The following ARMCX4 variants were observed in gnomAD, a reference collection of about 807,000 sequenced individuals.
The protein encoded by ARMCX4 is armadillo repeat containing X-linked 4.
Under a neutral mutation model 34.7 loss-of-function variants are expected in ARMCX4, and 3 were observed. The ratio of observed to expected loss-of-function variants is 0.09; its 90% CI spans 0.04 to 0.22. The LOEUF is 0.22. Among genes scored for constraint, ARMCX4 ranks in the 10% least tolerant of loss-of-function variants. The pLI, the probability that ARMCX4 is intolerant of heterozygous loss-of-function variation, is 1.00. For synonymous variants in ARMCX4, 513 were observed against 632.8 expected (o/e 0.81, Z 2.84); for missense variants, 1,448 against 1,720.8 (o/e 0.84, Z 2.81).
intron 4 of ARMCX4, among the ~76,000 whole-genome samples, chrX:101,469,336 C>T (rs1474818349): frequency 1.8e-5 from 2 of 112,017 alleles, no homozygotes; most frequent in Non-Finnish European, 3.8e-5. Flanking sequence ...ACTATAGCCA[C>T]ACTATGGAAT....
intron 8 of ARMCX4, among the ~76,000 whole-genome samples, chrX:101,506,760 A>G (rs1241871506): frequency 1.8e-5 from 2 of 110,736 alleles, no homozygotes; most frequent in Non-Finnish European, 3.8e-5. Flanking sequence ...GAATTGGAGT[A>G]CTCTATGTTC....
chrX:101,423,194 G>A (rs1929386601), intron 2 of ARMCX4, among the ~76,000 whole-genome samples: 1 of 110,581 alleles, frequency 9.0e-6, no homozygotes, highest in Non-Finnish European at 1.9e-5. Flanking sequence ...ACAGGCGTGA[G>A]CCACCATGCC....
intron 10 of ARMCX4, among the ~76,000 whole-genome samples, chrX:101,510,345 T>C (rs2071798856): frequency 8.9e-6 from 1 of 111,924 alleles, no homozygotes; most frequent in Non-Finnish European, 1.9e-5. Context: ...TGTGTGAATG[T>C]ACCAATTTTA....
Position 101,492,368 on chromosome X carries a change from A to G in ARMCX4, c.3779A>G (p.Glu1260Gly). 1 of 1,152,487 alleles carries G rather than the reference A, an allele frequency of 8.7e-7. No homozygotes were observed. Among genetic ancestry groups the G allele is most frequent in the Non-Finnish European group, 1.1e-6 (1 of 871,584 alleles). 95.0% of individuals were successfully genotyped at this position (1,152,487 alleles called of 1,213,427 possible). ...QASGVSWVGE[E>G]AIGGSWTGAE... ...AGTGGGGTGTCCTGGGTTGGGGAAG[A>G]GGCCATTGGAGGGTCCTGGACTGGG... Residue 1260 changes from glutamate to glycine, a missense_variant, in exon 6 of 6, where the codon GAG (glutamate) becomes GGG (glycine). By Grantham distance (98) the Glu-to-Gly change is moderately conservative. This residue lies in a region of ARMCX4 where 1,343 missense variants were observed against 1,540.7 expected (regional missense o/e 0.87). Coordinates refer to ENST00000423738, the MANE Select transcript of ARMCX4 (RefSeq NM_001256155.3).
At position 101,495,270 on chromosome X, in the gene ARMCX4, A is replaced by T; in HGVS notation, c.6681A>T (p.Ser2227=). The change falls in exon 6 of 6, where the codon TCA becomes TCT. Residue 2227 remains serine, a synonymous_variant. Coordinates refer to ENST00000423738, the MANE Select transcript of ARMCX4 (RefSeq NM_001256155.3). The part of the protein sequence containing the change: ...ETKENILNAL[S]LFENINYHFK... ...AGGAGAATATTCTTAATGCTCTTTC[A>T]CTATTTGAAAATATAAATTACCATT... 8.8e-7 allele frequency: 1 copy of T among 1,141,747 alleles called. No homozygotes were observed. The highest frequency in any genetic ancestry group is 1.2e-6 in the Non-Finnish European group (1 of 861,596). 94.1% of individuals were successfully genotyped at this position (1,141,747 alleles called of 1,213,427 possible).
At chrX:101,480,123 GACACACAC>G (rs57237822) in intron 4 of ARMCX4, among the ~76,000 whole-genome samples, 1,326 of 76,661 alleles carry the variant, frequency 0.017, 19 homozygotes, top group East Asian at 0.056. Flanking sequence ...AGGATTTGGA[GACACACAC>G]ACACACACAC....
At chrX:101,481,009 G>A (rs1341402918), upstream of ARMCX4, among the ~76,000 whole-genome samples, 1 of 111,460 alleles carries the variant, frequency 9.0e-6, no homozygotes, top group Non-Finnish European at 1.9e-5. Flanking sequence ...TGTAGTCCCA[G>A]CTACTGGGGA....
At chrX:101,451,088 G>A (rs1280292234), downstream of ARMCX4, among the ~76,000 whole-genome samples, 2 of 111,670 alleles carry the variant, frequency 1.8e-5, no homozygotes, top group African/African-American at 6.5e-5. Context: ...AATAGGTCAT[G>A]TGACCCTCAG....
At chrX:101,507,825 A>G (rs1009719647) in intron 8 of ARMCX4, among the ~76,000 whole-genome samples, 7 of 112,092 alleles carry the variant, frequency 6.2e-5, no homozygotes, top group Non-Finnish European at 1.3e-4. Flanking sequence ...TCAAAGCTGT[A>G]TATGCATATA....
At chrX:101,435,675 T>C (rs1314353863) in intron 2 of ARMCX4, among the ~76,000 whole-genome samples, 1 of 109,616 alleles carries the variant, frequency 9.1e-6, no homozygotes, top group African/African-American at 3.3e-5. Flanking sequence ...ATTTTGGCTT[T>C]TGTTGCCATT....
At chrX:101,462,440 G>A (rs781853352) in intron 4 of ARMCX4, among the ~76,000 whole-genome samples, 334 of 110,273 alleles carry the variant, frequency 3.0e-3, no homozygotes, top group African/African-American at 9.4e-3. Flanking sequence ...AGGAGATCGA[G>A]ACCATCCTGG....
At chrX:101,452,421 T>G (rs1932036912), downstream of ARMCX4, among the ~76,000 whole-genome samples, 1 of 112,789 alleles carries the variant, frequency 8.9e-6, no homozygotes, top group Non-Finnish European at 1.9e-5. Flanking sequence ...CAACTCATTA[T>G]ATCATGCAGA....
intron 2 of ARMCX4, among the ~76,000 whole-genome samples, chrX:101,431,152 T>C (rs957839437): frequency 3.0e-4 from 33 of 111,560 alleles, no homozygotes; most frequent in African/African-American, 1.1e-3. Flanking sequence ...ATCCAAAACC[T>C]ACTTTTGGCA....
rs782302128 is a variant in ARMCX4 at position 101,492,441 on chromosome X, G to A, written c.3852G>A (p.Gly1284=). 17 of 1,151,792 alleles carry A rather than the reference G, an allele frequency of 1.5e-5. No homozygotes were observed. The African/African-American group carries it at 2.4e-4, about 16-fold the overall frequency. 94.9% of individuals were successfully genotyped at this position (1,151,792 alleles called of 1,213,427 possible). ...GGTCTTGGGCTGGAGCTGGGGCTGG[G>A]AATATGAGTAGTGTTTCATACTGGG... ...SEGSWAGAGA[G]NMSSVSYWAG... The change falls in exon 6 of 6, where the codon GGG becomes GGA. Residue 1284 remains glycine, a synonymous_variant. Transcript: ENST00000423738.
chrX:101,525,930 T>C (rs945993405), intron 11 of ARMCX4, among the ~76,000 whole-genome samples: 1 of 111,846 alleles, frequency 8.9e-6, no homozygotes, highest in East Asian at 2.8e-4. Context: ...TCCAGGAGAA[T>C]TTCCCCAACC....
At chrX:101,421,121 T>TGAACCC (rs2147504324) in intron 2 of ARMCX4, among the ~76,000 whole-genome samples, 1 of 103,888 alleles carries the variant, frequency 9.6e-6, no homozygotes, top group South Asian at 4.3e-4. Context: ...GAGAATCGCT[T>TGAACCC]GAACCCGGGA....
downstream of ARMCX4, among the ~76,000 whole-genome samples, chrX:101,448,849 C>T (rs1289854456): frequency 5.5e-5 from 6 of 109,638 alleles, no homozygotes; most frequent in Non-Finnish European, 1.1e-4. Flanking sequence ...CCTTGGCCTC[C>T]CACCAAAGTG....
intron 4 of ARMCX4, among the ~76,000 whole-genome samples, chrX:101,474,941 T>C (rs187820424): frequency 2.9e-3 from 281 of 96,422 alleles, no homozygotes; most frequent in African/African-American, 9.5e-3. Context: ...TTCAACATAG[T>C]GTTGGAAGTT....
chrX:101,432,997 T>TACACGTGTATATACACAC lies in ARMCX4; in HGVS notation n.165-11054_165-11053insCACGTGTATATACACACA, dbSNP rs1569314923. On this transcript the variant is annotated intron_variant and non_coding_transcript_variant, in intron 2 of 3. Transcript: ENST00000430461. ...GTGTATATATACACACATGTATACA[T>TACACGTGTATATACACAC]ATATGTGTATATATACACATATGTA... Among the ~76,000 whole-genome samples the TACACGTGTATATACACAC allele has an allele frequency of 3.5e-4, 34 of 96,226 alleles. 1 individual carries two copies. The highest frequency in any genetic ancestry group is 8.6e-4 in the South Asian group (2 of 2,324). 83.6% of individuals were successfully genotyped at this position (96,226 alleles called of 115,157 possible).
Sources: allele counts gnomAD v4.1 joint callset (sites outside exome capture counted in the v4.1 genomes callset), GRCh38; gene constraint gnomAD v4.1.1; regional missense constraint gnomAD v4.1.1; transcripts MANE v1.5; gene names NCBI Gene and HGNC (gene_info 2026-07-23, HGNC 2026-07-21).